TENM3: variants seen among roughly 807,000 people sequenced by gnomAD.
The protein encoded by TENM3 is teneurin transmembrane protein 3, also known as teneurin-3.
TENM3 carries 63 observed loss-of-function variants against 255.1 expected under a neutral mutation model. The ratio of observed to expected loss-of-function variants is 0.25; its 90% confidence interval spans 0.20 to 0.30. TENM3 has a LOEUF of 0.30. Ranked by LOEUF, TENM3 falls within the 10% of genes least tolerant of loss-of-function variation. The pLI is 1.00. For synonymous variants in TENM3, 1,306 were observed against 1,322.3 expected (o/e 0.99, Z 0.27); for missense variants, 2,929 against 3,461.1 (o/e 0.85, Z 3.86).
chr4:181,674,831 G>T, the TENM3 span, among the ~76,000 whole-genome samples: 1 of 152,034 alleles, frequency 6.6e-6, no homozygotes, highest in Non-Finnish European at 1.5e-5. Flanking sequence ...CAGAATTTTT[G>T]TGTAGAAATT....
intron 3 of TENM3, among the ~76,000 whole-genome samples, chr4:182,417,553 C>A (rs1015845471): frequency 9.9e-5 from 15 of 151,920 alleles, no homozygotes; most frequent in East Asian, 1.9e-4. Context: ...GAAAAAAATT[C>A]ATAAAATACA....
the TENM3 span, among the ~76,000 whole-genome samples, chr4:181,636,881 A>G: frequency 1.3e-5 from 2 of 152,192 alleles, no homozygotes; most frequent in African/African-American, 4.8e-5. Context: ...TTACAGTGCT[A>G]TCATGCCCTG....
At chr4:181,733,194 T>C in the TENM3 span, among the ~76,000 whole-genome samples, 4 of 152,194 alleles carry the variant, frequency 2.6e-5, no homozygotes, top group Non-Finnish European at 5.9e-5. Flanking sequence ...TTTCTTTGAC[T>C]TCTGAAGACA....
At position 182,752,151 on chromosome 4, in the gene TENM3, A is replaced by G. The variant is rs1762423067; in HGVS notation, c.3862+119A>G. The G allele has an allele frequency of 8.8e-6, 6 of 683,220 alleles. No individual in the cohort carries two copies. In the East Asian group the frequency reaches 1.4e-4, roughly 16 times the overall value. 42.3% of individuals were successfully genotyped at this position (683,220 alleles called of 1,614,324 possible). On this transcript the variant is annotated intron_variant, in intron 20 of 27. Coordinates refer to ENST00000511685, the MANE Select transcript of TENM3 (RefSeq NM_001080477.4). ...TGCTGAGTCTAACTTTTTACCTTTG[A>G]CAGTGTTCTGGAAAGCTGTTTCACA...
intron 3 of TENM3, among the ~76,000 whole-genome samples, chr4:182,595,906 A>G (rs947789400): frequency 2.0e-5 from 3 of 150,946 alleles, no homozygotes; most frequent in Non-Finnish European, 3.0e-5. Flanking sequence ...TATATATTAT[A>G]TATTTTATAT....
the TENM3 span, among the ~76,000 whole-genome samples, chr4:181,730,947 G>A: frequency 2.6e-5 from 4 of 152,106 alleles, no homozygotes; most frequent in African/African-American, 4.8e-5. Context: ...TATGGAAAAC[G>A]AGCATTTCTG....
the TENM3 span, among the ~76,000 whole-genome samples, chr4:181,724,624 T>TG: frequency 6.6e-6 from 1 of 152,160 alleles, no homozygotes; most frequent in Non-Finnish European, 1.5e-5. Flanking sequence ...GTGACTGACT[T>TG]GGGGGGATTT....
At chr4:182,498,702 A>C (rs1736037881) in intron 3 of TENM3, among the ~76,000 whole-genome samples, 1 of 151,804 alleles carries the variant, frequency 6.6e-6, no homozygotes, top group Admixed American at 6.6e-5. Context: ...AAAAATACAG[A>C]AAATTAGCCG....
the TENM3 span, among the ~76,000 whole-genome samples, chr4:181,910,595 TA>T: frequency 7.1e-6 from 1 of 139,886 alleles, no homozygotes; most frequent in East Asian, 2.0e-4. Context: ...TATTTGTATA[TA>T]TATATATATA....
At chr4:181,522,850 TA>T in the TENM3 span, 1 of 968,114 alleles carries the variant, frequency 1.0e-6, no homozygotes, top group Non-Finnish European at 1.6e-6. Context: ...ATGCAGGCTC[TA>T]AAAGCTGGTG....
chr4:181,531,518 G>C, the TENM3 span, among the ~76,000 whole-genome samples: 1 of 152,100 alleles, frequency 6.6e-6, no homozygotes, highest in East Asian at 1.9e-4. Context: ...TTTAAATTAG[G>C]AGTTTACACA....
chr4:181,734,450 G>A, the TENM3 span, among the ~76,000 whole-genome samples: 3 of 151,948 alleles, frequency 2.0e-5, no homozygotes, highest in South Asian at 6.2e-4. Context: ...ACATACATAC[G>A]TTTCTTAGTA....
the TENM3 span, among the ~76,000 whole-genome samples, chr4:182,027,437 C>G: frequency 6.6e-6 from 1 of 152,044 alleles, no homozygotes; most frequent in Admixed American, 6.6e-5. Context: ...AATTTGACTT[C>G]TTCTTTCCAA....
At chr4:182,401,100 C>CT (rs1319378532) in intron 3 of TENM3, among the ~76,000 whole-genome samples, 1 of 151,464 alleles carries the variant, frequency 6.6e-6, no homozygotes, top group African/African-American at 2.5e-5. Flanking sequence ...TTAACAGGGT[C>CT]CTCTCTCAGC....
intron 19 of TENM3, among the ~76,000 whole-genome samples, chr4:182,746,101 AATAAT>A (rs1161352807): frequency 6.6e-6 from 1 of 152,342 alleles, no homozygotes; most frequent in South Asian, 2.1e-4. Flanking sequence ...TTTGAAAAAT[AATAAT>A]ATAAGACAAA....
At chr4:182,522,938 C>A (rs1738738789) in intron 3 of TENM3, among the ~76,000 whole-genome samples, 1 of 152,174 alleles carries the variant, frequency 6.6e-6, no homozygotes, top group Non-Finnish European at 1.5e-5. Context: ...ATTTCCCTTC[C>A]TTCGCATCCT....
intron 2 of TENM3, among the ~76,000 whole-genome samples, chr4:182,329,347 G>A (rs1362705675): frequency 2.0e-5 from 3 of 152,230 alleles, no homozygotes; most frequent in African/African-American, 7.2e-5. Flanking sequence ...TTGGGCAAAT[G>A]TTGCCTTGTG....
chr4:182,097,442 T>C, the TENM3 span, among the ~76,000 whole-genome samples: 2 of 152,280 alleles, frequency 1.3e-5, no homozygotes, highest in East Asian at 1.9e-4. Flanking sequence ...CCTTGAGTGC[T>C]CCTCCAGCCT....
chr4:182,122,692 C>T, the TENM3 span, among the ~76,000 whole-genome samples: 1 of 152,036 alleles, frequency 6.6e-6, no homozygotes, highest in Admixed American at 6.6e-5. Flanking sequence ...TTTTAAGGGC[C>T]TTAGGAATTT....
Sources: gnomAD v4.1 joint callset for allele counts (sites outside exome capture counted in the v4.1 genomes callset) on GRCh38, gnomAD v4.1.1 for gene constraint, MANE v1.5 for transcripts, NCBI Gene and HGNC (gene_info 2026-07-23, HGNC 2026-07-21) for gene names.